Variants in CNTNAP2 observed in about 807,000 individuals in gnomAD.
CNTNAP2 encodes contactin associated protein 2.
Under a neutral mutation model 155.2 loss-of-function variants are expected in CNTNAP2, and 98 were observed. The ratio of observed to expected loss-of-function variants is 0.63; its 90% confidence interval spans 0.54 to 0.75. The LOEUF (loss-of-function observed/expected upper bound fraction) is 0.75, where lower values mean the gene tolerates loss of function less well. Among genes scored for constraint, CNTNAP2 ranks in the 30% least tolerant of loss-of-function variants. CNTNAP2 has a pLI of 0.00. For synonymous variants in CNTNAP2, 651 were observed against 631.2 expected, an observed-to-expected ratio of 1.03 and a Z score of -0.47; for missense variants, 1,727 against 1,688.1, an observed-to-expected ratio of 1.02 and a Z score of -0.40.
chr7:148,110,577 G>T (rs987197206), intron 15 of CNTNAP2, among the ~76,000 whole-genome samples: 1 of 152,218 alleles, frequency 6.6e-6, no homozygotes, highest in Non-Finnish European at 1.5e-5. Flanking sequence ...CACAAGTTCA[G>T]TTACTTCACT....
chr7:148,053,316 A>G (rs1802929664), intron 15 of CNTNAP2, among the ~76,000 whole-genome samples: 1 of 152,222 alleles, frequency 6.6e-6, no homozygotes, highest in Admixed American at 6.5e-5. Flanking sequence ...CATTATTCAT[A>G]TACTTTTAAA....
At chr7:146,698,322 AT>A (rs1208955428) in intron 1 of CNTNAP2, among the ~76,000 whole-genome samples, 1 of 151,938 alleles carries the variant, frequency 6.6e-6, no homozygotes, top group Non-Finnish European at 1.5e-5. Context: ...TTCTTTTAAT[AT>A]TTTTTAAAAG....
intron 10 of CNTNAP2, among the ~76,000 whole-genome samples, chr7:147,464,465 TAAAAAAAAAAAAA>T (rs71183005): frequency 1.5e-5 from 1 of 65,968 alleles, no homozygotes; most frequent in African/African-American, 6.2e-5. Flanking sequence ...AGACTCCATC[TAAAAAAAAAAAAA>T]AAAAAAAAAA....
chr7:147,713,128 T>C (rs1054603786), intron 13 of CNTNAP2, among the ~76,000 whole-genome samples: 1 of 152,074 alleles, frequency 6.6e-6, no homozygotes, highest in Non-Finnish European at 1.5e-5. Context: ...ATCTGTGTTA[T>C]TTACTTTGAG....
intron 3 of CNTNAP2, among the ~76,000 whole-genome samples, chr7:146,976,830 G>A (rs1463936058): frequency 1.3e-5 from 2 of 152,216 alleles, no homozygotes; most frequent in Non-Finnish European, 2.9e-5. Context: ...TGTCTGCTCT[G>A]TCGATTCTTC....
At chr7:146,514,384 A>G (rs907641948) in intron 1 of CNTNAP2, among the ~76,000 whole-genome samples, 9 of 151,904 alleles carry the variant, frequency 5.9e-5, no homozygotes, top group African/African-American at 1.9e-4. Context: ...TTTAAAGGCT[A>G]TTCTCTAGAT....
At chr7:146,557,442 G>T (rs138259315) in intron 1 of CNTNAP2, among the ~76,000 whole-genome samples, 1 of 152,062 alleles carries the variant, frequency 6.6e-6, no homozygotes, top group Non-Finnish European at 1.5e-5. Context: ...TTCCAGAAAA[G>T]TTGTGCCTTT....
intron 9 of CNTNAP2, among the ~76,000 whole-genome samples, chr7:147,319,150 T>C (rs1445265064): frequency 2.0e-5 from 3 of 152,168 alleles, no homozygotes; most frequent in Admixed American, 1.3e-4. Context: ...CTTTCCAGTA[T>C]AGAATGTCCA....
At chr7:146,678,591 T>G (rs959456765) in intron 1 of CNTNAP2, among the ~76,000 whole-genome samples, 1 of 152,196 alleles carries the variant, frequency 6.6e-6, no homozygotes, top group Non-Finnish European at 1.5e-5. Context: ...CTATTAGGTT[T>G]CACTAGAATA....
chr7:148,013,721 A>G (rs1441581386), intron 15 of CNTNAP2, among the ~76,000 whole-genome samples: 1 of 152,172 alleles, frequency 6.6e-6, no homozygotes, highest in Non-Finnish European at 1.5e-5. Flanking sequence ...CCTGCAACAA[A>G]GGAAAATGTA....
intron 21 of CNTNAP2, among the ~76,000 whole-genome samples, chr7:148,268,920 C>T (rs1796724588): frequency 6.6e-6 from 1 of 151,924 alleles, no homozygotes. Context: ...GCTGTAATCC[C>T]TGTGGCAGTT....
At chr7:146,247,011 C>G (rs1428975424) in intron 1 of CNTNAP2, among the ~76,000 whole-genome samples, 1 of 152,122 alleles carries the variant, frequency 6.6e-6, no homozygotes, top group East Asian at 1.9e-4. Flanking sequence ...TAATTAAATC[C>G]TGTTGTGGGG....
chr7:147,372,137 C>T (rs531498719), intron 9 of CNTNAP2, among the ~76,000 whole-genome samples: 1 of 152,156 alleles, frequency 6.6e-6, no homozygotes, highest in Non-Finnish European at 1.5e-5. Flanking sequence ...GGCTGTCATT[C>T]CATGTTACAG....
chr7:147,891,483 A>T (rs1375221694), intron 13 of CNTNAP2, among the ~76,000 whole-genome samples: 1 of 152,188 alleles, frequency 6.6e-6, no homozygotes, highest in African/African-American at 2.4e-5. Context: ...GATTACAGGC[A>T]TGAGCCACCA....
chr7:147,262,140 G>A (rs1286251778), intron 8 of CNTNAP2, among the ~76,000 whole-genome samples: 1 of 152,152 alleles, frequency 6.6e-6, no homozygotes. Context: ...AAGAGGAAGT[G>A]TAAGACAAAA....
intron 15 of CNTNAP2, among the ~76,000 whole-genome samples, chr7:148,055,593 T>C (rs1339375924): frequency 6.6e-6 from 1 of 152,212 alleles, no homozygotes; most frequent in Non-Finnish European, 1.5e-5. Flanking sequence ...CAGAACCTAG[T>C]GAGATCTAAA....
intron 13 of CNTNAP2, among the ~76,000 whole-genome samples, chr7:147,860,818 ACT>A (rs1430557746): frequency 6.6e-6 from 1 of 152,042 alleles, no homozygotes; most frequent in Non-Finnish European, 1.5e-5. Context: ...ATATTTGGAA[ACT>A]CTATGCAACA....
intron 8 of CNTNAP2, among the ~76,000 whole-genome samples, chr7:147,295,464 T>C (rs1584853008): frequency 6.6e-6 from 1 of 152,290 alleles, no homozygotes; most frequent in South Asian, 2.1e-4. Context: ...TGCTTACAGA[T>C]TGGTAGACTC....
At chr7:147,059,902 A>T (rs2129261874) in intron 4 of CNTNAP2, among the ~76,000 whole-genome samples, 1 of 152,228 alleles carries the variant, frequency 6.6e-6, no homozygotes, top group Non-Finnish European at 1.5e-5. Flanking sequence ...AAGAATGGTT[A>T]TAATAATAAT....
Sources: gnomAD v4.1 joint callset for allele counts (sites outside exome capture counted in the v4.1 genomes callset) on GRCh38, gnomAD v4.1.1 for gene constraint, MANE v1.5 for transcripts, NCBI Gene and HGNC (gene_info 2026-07-23, HGNC 2026-07-21) for gene names.